The following FNDC11 variants were observed in gnomAD, a reference collection of about 807,000 sequenced individuals.
FNDC11 encodes the protein fibronectin type III domain containing 11, also known as fibronectin type III domain-containing protein 11.
In FNDC11, 15 loss-of-function variants were observed where a neutral mutation model predicts 15.8. That is an observed-to-expected ratio of 0.95 (90% CI 0.63 to 1.46). The LOEUF (loss-of-function observed/expected upper bound fraction) is 1.46. Among genes scored for constraint, FNDC11 ranks in the 40% most tolerant of loss-of-function variants. The pLI is 0.00. For synonymous variants in FNDC11, 190 were observed against 203.1 expected, an observed-to-expected ratio of 0.94 and a Z score of 0.55; for missense variants, 416 against 443.4, an observed-to-expected ratio of 0.94 and a Z score of 0.55.
At position 63,556,379 on chromosome 20, in the gene FNDC11, A is replaced by G. The variant is rs2082813741; in HGVS notation, c.716A>G (p.Gln239Arg). ...FVTIQPATSE[Q>R]YELRFRLLDP... The stretch of plus-strand genomic sequence containing the variant: ...ACCATCCAGCCAGCCACATCGGAGC[A>G]GTATGAGTTGCGCTTCAGGCTGCTG... Residue 239 changes from glutamine to arginine, a missense_variant, in exon 2 of 2, where the codon CAG becomes CGG. Transcript: ENST00000370097. 1 of 1,612,744 alleles carries G rather than the reference A, an allele frequency of 6.2e-7. No homozygotes were observed. Among genetic ancestry groups the G allele is most frequent in the East Asian group, 2.2e-5 (1 of 44,888 alleles).
intron 1 of FNDC11, chr20:63,554,469 A>G (rs536291402): frequency 6.6e-6 from 1 of 152,396 alleles, no homozygotes; most frequent in Non-Finnish European, 1.5e-5. Context: ...CCACCTGGGC[A>G]GCTGCTGGAG....
rs771384731 is a variant in FNDC11 at position 63,555,637 on chromosome 20, C to T, written c.-10-17C>T. On this transcript the variant is annotated splice_polypyrimidine_tract_variant and intron_variant, in intron 1 of 1. Coordinates refer to ENST00000370097, the MANE Select transcript of FNDC11 (RefSeq NM_001319152.2). ...AGGCCAGCCTGCCTGGCAGCTGACA[C>T]CCAGCCCTCCCCCCAGCTCCCGGAT... 1.3e-5 allele frequency: 20 copies of T among 1,580,206 alleles called. No homozygotes were observed. Among genetic ancestry groups the T allele is most frequent in the Non-Finnish European group, 1.7e-5 (20 of 1,160,676 alleles).
rs372558520 is a variant in FNDC11, at chr20:63,556,502, A to T, written c.839A>T (p.Lys280Met). Residue 280 changes from lysine to methionine, a missense_variant, in exon 2 of 2, where the codon AAG becomes ATG. Coordinates refer to ENST00000370097, the MANE Select transcript of FNDC11 (RefSeq NM_001319152.2). The part of the protein sequence containing the change: ...VRNLLPNRSY[K>M]FTIKRAETST... Reference sequence around the variant, plus strand: ...AACCTGCTGCCCAACCGATCCTATAAGTTCACCATCAAGAGGGCCGAGACC... The same window carrying T: ...AACCTGCTGCCCAACCGATCCTATATGTTCACCATCAAGAGGGCCGAGACC... 17 of 1,603,576 alleles carry T rather than the reference A, an allele frequency of 1.1e-5. No homozygotes were observed. Among genetic ancestry groups the T allele is most frequent in the Non-Finnish European group, 1.4e-5 (17 of 1,175,618 alleles).
At position 63,554,196 on chromosome 20, in the gene FNDC11, T is replaced by G. The variant is rs2082785377; in HGVS notation, c.-21T>G. 1 of 152,682 alleles carries G rather than the reference T, an allele frequency of 6.5e-6. No individual in the cohort carries two copies. Among genetic ancestry groups the G allele is most frequent in the South Asian group, 1.9e-4 (1 of 5,324 alleles). 9.5% of individuals were successfully genotyped at this position (152,682 alleles called of 1,614,324 possible). On this transcript the variant is annotated 5_prime_UTR_variant, in exon 1 of 2. Coordinates refer to ENST00000370097, the MANE Select transcript of FNDC11 (RefSeq NM_001319152.2). ...TGGGAAGTCCGCGCGCGGCTCCGCT[T>G]CAGAGGCAGGGCAAGTGGGCGCGGT...
At chr20:63,554,682 T>C (rs576979589) in intron 1 of FNDC11, 1 of 152,390 alleles carries the variant, frequency 6.6e-6, no homozygotes, top group East Asian at 1.9e-4. Context: ...TGAAGTCATA[T>C]CTGCCTCACG....
At position 63,555,894 on chromosome 20, in the gene FNDC11, C is replaced by T. The variant is rs535612936; in HGVS notation, c.231C>T (p.Tyr77=). 1.5e-5 allele frequency: 24 copies of T among 1,610,082 alleles called. No homozygotes were observed. Among genetic ancestry groups the T allele is most frequent in the Middle Eastern group, 1.6e-4 (1 of 6,062 alleles). Residue 77 remains tyrosine, a synonymous_variant, in exon 2 of 2, where the codon TAC becomes TAT. Transcript: ENST00000370097. Reference sequence around the variant, plus strand: ...AGCTGCTGCGTAAGTGCTCCTACTACATCGAGGTCCTGCCCAAGCACCTGG... The same window carrying T: ...AGCTGCTGCGTAAGTGCTCCTACTATATCGAGGTCCTGCCCAAGCACCTGG... ...RMQLLRKCSY[Y]IEVLPKHLAL... is the part of the protein sequence containing the mutation.
At position 63,555,851 on chromosome 20, in the gene FNDC11, G is replaced by A. The variant is rs147243037; in HGVS notation, c.188G>A (p.Arg63His). 139 of 1,612,956 alleles carry A rather than the reference G, an allele frequency of 8.6e-5. No individual in the cohort carries two copies. The African/African-American group carries it at 1.2e-3, about 14-fold the overall frequency. ...TSDLSPHLLKRHHARMQLLRK... is the reference protein window; with the variant it reads ...TSDLSPHLLKHHHARMQLLRK... ...GACCTGAGTCCGCACCTGCTCAAGC[G>A]CCACCACGCCCGCATGCAGCTGCTG... The change falls in exon 2 of 2, where the codon CGC (arginine) becomes CAC (histidine). Residue 63 changes from arginine (R) to histidine (H), a missense_variant. Coordinates refer to ENST00000370097, the MANE Select transcript of FNDC11 (RefSeq NM_001319152.2).
intron 1 of FNDC11, chr20:63,555,411 C>T (rs569053653): frequency 7.2e-6 from 4 of 557,418 alleles, no homozygotes; most frequent in Non-Finnish European, 1.2e-5. Context: ...AGTCCTAGTT[C>T]TTCCCTGTCC....
chr20:63,556,230 G>A lies in FNDC11; in HGVS notation c.567G>A (p.Val189=), dbSNP rs1482553092. The stretch of plus-strand genomic sequence containing the variant: ...GGCTACACGTCAAGCACCGCCTGGT[G>A]TCTGATGTCAGTGCCACCAAGATCC... ...PGRLHVKHRL[V]SDVSATKIPH... The change falls in exon 2 of 2, where the codon GTG becomes GTA. Residue 189 remains valine (V), a synonymous_variant. Coordinates refer to ENST00000370097, the MANE Select transcript of FNDC11 (RefSeq NM_001319152.2). The A allele has an allele frequency of 3.1e-6, 5 of 1,594,148 alleles. No individual in the cohort carries two copies. The highest frequency in any genetic ancestry group is 2.2e-5 in the South Asian group (2 of 89,454).
At chr20:63,555,315 G>A (rs1043442324) in intron 1 of FNDC11, 13 of 298,044 alleles carry the variant, frequency 4.4e-5, no homozygotes, top group African/African-American at 2.7e-4. Flanking sequence ...GGCCCCGAGG[G>A]GTGCCAGCAA....
Position 63,556,260 on chromosome 20 carries a change from C to G in FNDC11, c.597C>G (p.His199Gln), listed in dbSNP as rs750152457. Residue 199 changes from histidine (H) to glutamine (Q), a missense_variant, in exon 2 of 2, where the codon CAC (histidine) becomes CAG (glutamine). Transcript: ENST00000370097. ...ATGTCAGTGCCACCAAGATCCCGCA[C>G]ATCTGGCTCATGCTGAGCACCAAGA... ...VSDVSATKIP[H>Q]IWLMLSTKMP... 1 of 1,597,964 alleles carries G rather than the reference C, an allele frequency of 6.3e-7. No individual in the cohort carries two copies. The highest frequency in any genetic ancestry group is 1.7e-5 in the Admixed American group (1 of 59,656).
chr20:63,556,247 C>T lies in FNDC11; in HGVS notation c.584C>T (p.Thr195Ile). Residue 195 changes from threonine (T) to isoleucine (I), a missense_variant, in exon 2 of 2, where the codon ACC (threonine) becomes ATC (isoleucine). Thr to Ile is a moderately conservative substitution (Grantham distance 89). Coordinates refer to ENST00000370097, the MANE Select transcript of FNDC11 (RefSeq NM_001319152.2). ...CGCCTGGTGTCTGATGTCAGTGCCA[C>T]CAAGATCCCGCACATCTGGCTCATG... ...KHRLVSDVSATKIPHIWLMLS... is the reference protein window; with the variant it reads ...KHRLVSDVSAIKIPHIWLMLS... 1 of 1,594,980 alleles carries T rather than the reference C, an allele frequency of 6.3e-7. No individual in the cohort carries two copies. The highest frequency in any genetic ancestry group is 8.6e-7 in the Non-Finnish European group (1 of 1,166,880).
In FNDC11 at chr20:63,556,351, G is replaced by A. The variant is rs752740200; in HGVS notation, c.688G>A (p.Val230Ile). Residue 230 changes from valine (V) to isoleucine (I), a missense_variant, in exon 2 of 2, where the codon GTC becomes ATC. Physicochemically the swap from Val to Ile is conservative, Grantham distance 29. Coordinates refer to ENST00000370097, the MANE Select transcript of FNDC11 (RefSeq NM_001319152.2). ...HQDWARLRWFVTIQPATSEQY... is the reference protein window; with the variant it reads ...HQDWARLRWFITIQPATSEQY... The stretch of plus-strand genomic sequence containing the variant: ...GGACTGGGCCCGGCTGCGCTGGTTC[G>A]TCACCATCCAGCCAGCCACATCGGA... 65 of 1,611,970 alleles carry A rather than the reference G, an allele frequency of 4.0e-5. No individual in the cohort carries two copies. Among genetic ancestry groups the A allele is most frequent in the East Asian group, 2.0e-4 (9 of 44,884 alleles).
In FNDC11 at chr20:63,556,358, T is replaced by G. The variant is rs887004050; in HGVS notation, c.695T>G (p.Ile232Ser). ...GCCCGGCTGCGCTGGTTCGTCACCA[T>G]CCAGCCAGCCACATCGGAGCAGTAT... ...DWARLRWFVT[I>S]QPATSEQYEL... Residue 232 changes from isoleucine (I) to serine (S), a missense_variant, in exon 2 of 2, where the codon ATC becomes AGC. Ile to Ser is a moderately radical substitution (Grantham distance 142). Coordinates refer to ENST00000370097, the MANE Select transcript of FNDC11 (RefSeq NM_001319152.2). 5 of 1,612,164 alleles carry G rather than the reference T, an allele frequency of 3.1e-6. No individual in the cohort carries two copies. The highest frequency in any genetic ancestry group is 4.2e-6 in the Non-Finnish European group (5 of 1,179,844).
In FNDC11 at chr20:63,556,090, C is replaced by T. The variant is rs1244647519; in HGVS notation, c.427C>T (p.Leu143=). ...LDHGRAELDA[L]LRSPDPRPFL... ...CCATGGCCGTGCTGAGCTGGATGCC[C>T]TGCTCCGGTCGCCAGACCCACGGCC... The change falls in exon 2 of 2, where the codon CTG becomes TTG. Residue 143 remains leucine (L), a synonymous_variant. Coordinates refer to ENST00000370097, the MANE Select transcript of FNDC11 (RefSeq NM_001319152.2). 1.3e-6 allele frequency: 2 copies of T among 1,596,086 alleles called. No individual in the cohort carries two copies. Among genetic ancestry groups the T allele is most frequent in the Non-Finnish European group, 1.7e-6 (2 of 1,176,426 alleles).
chr20:63,555,922 C>G lies in FNDC11; in HGVS notation c.259C>G (p.Leu87Val). 1 of 1,606,610 alleles carries G rather than the reference C, an allele frequency of 6.2e-7. No homozygotes were observed. The highest frequency in any genetic ancestry group is 1.1e-5 in the South Asian group (1 of 91,084). Reference sequence around the variant, plus strand: ...CGAGGTCCTGCCCAAGCACCTGGCCCTGGGCGACCAGAACCCGCTGGTGCT... The same window carrying G: ...CGAGGTCCTGCCCAAGCACCTGGCCGTGGGCGACCAGAACCCGCTGGTGCT... ...YIEVLPKHLALGDQNPLVLPS... is the reference protein window; with the variant it reads ...YIEVLPKHLAVGDQNPLVLPS... Residue 87 changes from leucine (L) to valine (V), a missense_variant, in exon 2 of 2, where the codon CTG becomes GTG. Leu to Val is a conservative substitution (Grantham distance 32). Coordinates refer to ENST00000370097, the MANE Select transcript of FNDC11 (RefSeq NM_001319152.2).
chr20:63,556,700 T>G, downstream of FNDC11: 1 of 1,345,338 alleles, frequency 7.4e-7, no homozygotes, highest in African/African-American at 1.5e-5. Flanking sequence ...AACCTATTTA[T>G]GTTTTAAAGG....
In FNDC11 at chr20:63,555,850, C is replaced by T. The variant is rs758808516; in HGVS notation, c.187C>T (p.Arg63Cys). 4.0e-5 allele frequency: 64 copies of T among 1,613,016 alleles called. No homozygotes were observed. Among genetic ancestry groups the T allele is most frequent in the African/African-American group, 8.0e-5 (6 of 74,944 alleles). The part of the protein sequence containing the change: ...TSDLSPHLLK[R>C]HHARMQLLRK... ...GGACCTGAGTCCGCACCTGCTCAAG[C>T]GCCACCACGCCCGCATGCAGCTGCT... Residue 63 changes from arginine to cysteine, a missense_variant, in exon 2 of 2, where the codon CGC becomes TGC. By Grantham distance (180) the Arg-to-Cys change is radical (BLOSUM62 -3). Coordinates refer to ENST00000370097, the MANE Select transcript of FNDC11 (RefSeq NM_001319152.2).
upstream of FNDC11, among the ~76,000 whole-genome samples, chr20:63,553,561 G>A (rs1477271096): frequency 2.4e-5 from 3 of 124,048 alleles, no homozygotes; most frequent in Non-Finnish European, 4.6e-5. Flanking sequence ...GGGAGCCCGC[G>A]GTGGGAGGAG....
Sources: allele counts gnomAD v4.1 joint callset (sites outside exome capture counted in the v4.1 genomes callset), GRCh38; gene constraint gnomAD v4.1.1; transcripts MANE v1.5; gene names NCBI Gene and HGNC (gene_info 2026-07-23, HGNC 2026-07-21).